GKN1: variants seen among roughly 807,000 people sequenced by gnomAD.
GKN1 encodes the protein gastrokine-1.
Under a neutral mutation model 19.7 loss-of-function variants are expected in GKN1, and 17 were observed. That is an observed-to-expected ratio of 0.86 (90% CI 0.59 to 1.29). The LOEUF (loss-of-function observed/expected upper bound fraction) is 1.29. Among genes scored for constraint, GKN1 ranks in the 50% most tolerant of loss-of-function variants. The pLI, the probability that GKN1 is intolerant of heterozygous loss-of-function variation, is 0.00. For synonymous variants in GKN1, 96 were observed against 78.3 expected (o/e 1.23, Z -1.20); for missense variants, 218 against 224.5 (o/e 0.97, Z 0.19).
chr2:68,979,929 C>T lies in GKN1; in HGVS notation c.332C>T (p.Pro111Leu), dbSNP rs756277280. The part of the protein sequence containing the change: ...VKEKKLQGKG[P>L]GGPPPKGLMY... Reference sequence around the variant, plus strand: ...CACACTCAGCTTCAGGGTAAGGGACCAGGAGGACCACCTCCCAAGGGCCTG... The same window carrying T: ...CACACTCAGCTTCAGGGTAAGGGACTAGGAGGACCACCTCCCAAGGGCCTG... Residue 111 changes from proline (P) to leucine (L), a missense_variant, in exon 5 of 6, where the codon CCA (proline) becomes CTA (leucine). Coordinates refer to ENST00000377938, the MANE Select transcript of GKN1 (RefSeq NM_019617.4). The T allele has an allele frequency of 1.9e-6, 3 of 1,613,478 alleles. No homozygotes were observed. Among genetic ancestry groups the T allele is most frequent in the Non-Finnish European group, 2.5e-6 (3 of 1,179,424 alleles).
chr2:68,980,644 T>G, intron 5 of GKN1, 85 bp from the exon 6 acceptor site: 1 of 726,590 alleles, frequency 1.4e-6, no homozygotes. Context: ...ATAGCTAGTT[T>G]GGAAACCCCT....
At position 68,977,791 on chromosome 2, in the gene GKN1, C is replaced by G; in HGVS notation, c.204+17C>G. On this transcript the variant is annotated intron_variant, in intron 3 of 5. Coordinates refer to ENST00000377938, the MANE Select transcript of GKN1 (RefSeq NM_019617.4). Reference sequence around the variant, plus strand: ...TATGGAAATGTAGGTAGTCAACGTGCAATTTTCACTTTATTGTTTAAAAAT... The same window carrying G: ...TATGGAAATGTAGGTAGTCAACGTGGAATTTTCACTTTATTGTTTAAAAAT... 2.5e-6 allele frequency: 4 copies of G among 1,581,920 alleles called. No individual in the cohort carries two copies. Among genetic ancestry groups the G allele is most frequent in the Non-Finnish European group, 3.5e-6 (4 of 1,152,348 alleles).
intron 3 of GKN1, 106 bp downstream of exon 3, chr2:68,977,880 T>A: frequency 1.1e-6 from 1 of 920,048 alleles, no homozygotes; most frequent in Non-Finnish European, 1.7e-6. Flanking sequence ...AAATTCTAAT[T>A]ACACATAGCA....
intron 1 of GKN1, among the ~76,000 whole-genome samples, chr2:68,976,236 G>C (rs1320943528): frequency 1.3e-5 from 2 of 152,106 alleles, no homozygotes; most frequent in African/African-American, 4.8e-5. Context: ...ATCATTTTCA[G>C]ATGTGATTTT....
intron 1 of GKN1, among the ~76,000 whole-genome samples, chr2:68,976,815 G>A (rs1215291592): frequency 6.6e-6 from 1 of 152,030 alleles, no homozygotes; most frequent in Non-Finnish European, 1.5e-5. Context: ...ATCATTTATA[G>A]CAAGTCCTTG....
intron 1 of GKN1, among the ~76,000 whole-genome samples, chr2:68,976,693 A>C (rs1670267320): frequency 6.6e-6 from 1 of 152,208 alleles, no homozygotes; most frequent in Admixed American, 6.5e-5. Flanking sequence ...TTCTTCTTTT[A>C]CTAGATTTAA....
At chr2:68,980,123 C>T (rs62133357) in intron 5 of GKN1, 63 bp downstream of exon 5, 77,914 of 1,453,928 alleles carry the variant, frequency 0.054, 2,799 homozygotes, top group African/African-American at 0.16. Context: ...ACTATCCTCG[C>T]GCGTGTCCAT....
chr2:68,974,761 T>C (rs1201932596), intron 1 of GKN1, 72 bp downstream of exon 1: 2 of 1,023,904 alleles, frequency 2.0e-6, no homozygotes, highest in African/African-American at 1.6e-5. Context: ...ATTTAGGAGG[T>C]CTGCTTCTTA....
chr2:68,978,262 A>AAGAG (rs1411388371), intron 3 of GKN1, among the ~76,000 whole-genome samples: 3,127 of 134,476 alleles, frequency 0.023, 123 homozygotes, highest in East Asian at 0.11. Flanking sequence ...GAAAGAAAGA[A>AAGAG]GGAAGGAAGG....
At chr2:68,980,511 C>T (rs1038650104) in intron 5 of GKN1, among the ~76,000 whole-genome samples, 3 of 152,224 alleles carry the variant, frequency 2.0e-5, no homozygotes, top group African/African-American at 7.2e-5. Flanking sequence ...AATTTCTGGA[C>T]ATTCAAAGAA....
chr2:68,979,083 T>C, intron 4 of GKN1, 102 bp downstream of exon 4: 3 of 648,052 alleles, frequency 4.6e-6, no homozygotes, highest in Non-Finnish European at 8.3e-6. Context: ...TACAGTATGT[T>C]GTAGTGTGCA....
intron 4 of GKN1, among the ~76,000 whole-genome samples, chr2:68,979,376 T>G (rs73934211): frequency 0.026 from 3,912 of 152,314 alleles, 86 homozygotes; most frequent in East Asian, 0.096. Context: ...GTATAATATA[T>G]CCTATGCAAT....
intron 1 of GKN1, among the ~76,000 whole-genome samples, chr2:68,975,165 G>A (rs1670237965): frequency 6.6e-6 from 1 of 152,052 alleles, no homozygotes; most frequent in Non-Finnish European, 1.5e-5. Flanking sequence ...AGGGTAAGCA[G>A]TTCCTAAGCC....
At position 68,975,096 on chromosome 2, in the gene GKN1, C is replaced by T. The variant is rs562514622; in HGVS notation, c.12+407C>T. On this transcript the variant is annotated intron_variant, in intron 1 of 5. Coordinates refer to ENST00000377938, the MANE Select transcript of GKN1 (RefSeq NM_019617.4). ...AGATTAGACAGCTGTCTGAGCACCT[C>T]ACACTGACCTATTTTTAACAAAATG... Among the ~76,000 whole-genome samples the T allele has an allele frequency of 2.8e-4, 43 of 152,186 alleles. No individual in the cohort carries two copies. In the South Asian group the frequency reaches 8.7e-3, roughly 31 times the overall value.
At chr2:68,978,595 A>C (rs1670312368) in intron 3 of GKN1, among the ~76,000 whole-genome samples, 1 of 152,258 alleles carries the variant, frequency 6.6e-6, no homozygotes, top group African/African-American at 2.4e-5. Flanking sequence ...AGTCTATTTC[A>C]GTAAAACAGA....
In GKN1 at chr2:68,980,070, A is replaced by T; in HGVS notation, c.463+10A>T. 6.2e-7 allele frequency: 1 copy of T among 1,611,152 alleles called. No homozygotes were observed. Among genetic ancestry groups the T allele is most frequent in the Non-Finnish European group, 8.5e-7 (1 of 1,177,824 alleles). ...GCTGAGGAGATGCAAGGTGAGTAGC[A>T]TCCCTACTGTGCACCCCAAGTTAGT... On this transcript the variant is annotated intron_variant, in intron 5 of 5. Coordinates refer to ENST00000377938, the MANE Select transcript of GKN1 (RefSeq NM_019617.4).
At chr2:68,978,351 G>A (rs1442473037) in intron 3 of GKN1, among the ~76,000 whole-genome samples, 1 of 150,926 alleles carries the variant, frequency 6.6e-6, no homozygotes, top group East Asian at 1.9e-4. Flanking sequence ...AAGAAAGAGA[G>A]AAGGAAAGGA....
chr2:68,977,432 A>G (rs894272199), intron 1 of GKN1, 63 bp from the exon 2 acceptor site: 2 of 1,066,190 alleles, frequency 1.9e-6, no homozygotes, highest in African/African-American at 3.1e-5. Context: ...AAGCTTGGAT[A>G]GAGGAAGAAA....
Position 68,977,863 on chromosome 2 carries a change from T to C in GKN1, c.204+89T>C. 4.6e-6 allele frequency: 5 copies of C among 1,084,826 alleles called. No homozygotes were observed. In the South Asian group the frequency reaches 7.0e-5, roughly 15 times the overall value. 67.2% of individuals were successfully genotyped at this position (1,084,826 alleles called of 1,614,324 possible). ...ATGTGCATGTTAACCATAAAGAAATTAAAAATAAATTCTAATTACACATAG... is the reference window on the plus strand; with the variant it reads ...ATGTGCATGTTAACCATAAAGAAATCAAAAATAAATTCTAATTACACATAG... On this transcript the variant is annotated intron_variant, in intron 3 of 5. Coordinates refer to ENST00000377938, the MANE Select transcript of GKN1 (RefSeq NM_019617.4).
Sources: allele counts gnomAD v4.1 joint callset (sites outside exome capture counted in the v4.1 genomes callset), GRCh38; gene constraint gnomAD v4.1.1; transcripts MANE v1.5; gene names NCBI Gene and HGNC (gene_info 2026-07-23, HGNC 2026-07-21).